ERC2: variants seen among roughly 807,000 people sequenced by gnomAD.
ERC2 encodes the protein ELKS/RAB6-interacting/CAST family member 2.
In ERC2, 42 loss-of-function variants were observed where a neutral mutation model predicts 114.8. The ratio of observed to expected loss-of-function variants is 0.37; its 90% CI spans 0.29 to 0.47. ERC2 has a LOEUF of 0.47. ERC2 is among the 20% of genes least tolerant of loss of function. The pLI, the probability that ERC2 is intolerant of heterozygous loss-of-function variation, is 0.99. For synonymous variants in ERC2, 454 were observed against 425.5 expected (o/e 1.07, Z -0.82); for missense variants, 939 against 1,150.7 (o/e 0.82, Z 2.66).
intron 13 of ERC2, among the ~76,000 whole-genome samples, chr3:55,941,733 TG>T (rs1194086840): frequency 3.3e-5 from 5 of 152,226 alleles, no homozygotes; most frequent in Non-Finnish European, 7.3e-5. Flanking sequence ...ACTCTCTTTA[TG>T]GGTGACATCC....
At chr3:55,530,418 GGGCTGCAGTCGGCT>G (rs2053592190) in intron 17 of ERC2, among the ~76,000 whole-genome samples, 1 of 152,178 alleles carries the variant, frequency 6.6e-6, no homozygotes, top group African/African-American at 2.4e-5. Context: ...ATTTGGCTGT[GGGCTGCAGTCGGCT>G]GGCTCCTGGT....
intron 14 of ERC2, among the ~76,000 whole-genome samples, chr3:55,831,337 G>A (rs1420740955): frequency 4.1e-5 from 5 of 121,120 alleles, no homozygotes; most frequent in African/African-American, 1.5e-4. Flanking sequence ...GGGAGGGGAA[G>A]GAAGGGGAGG....
intron 14 of ERC2, among the ~76,000 whole-genome samples, chr3:55,822,651 G>A (rs2060174427): frequency 1.4e-5 from 2 of 142,708 alleles, no homozygotes; most frequent in Non-Finnish European, 3.0e-5. Context: ...TGCAAGCTCC[G>A]CCTCCTGGGT....
At chr3:55,759,881 T>C (rs567418268) in intron 14 of ERC2, among the ~76,000 whole-genome samples, 1 of 152,382 alleles carries the variant, frequency 6.6e-6, no homozygotes, top group Admixed American at 6.5e-5. Context: ...TAACGAGCTC[T>C]TCTTTGTACT....
intron 17 of ERC2, among the ~76,000 whole-genome samples, chr3:55,603,980 C>G (rs370077812): frequency 2.4e-4 from 36 of 152,298 alleles, no homozygotes; most frequent in Non-Finnish European, 4.0e-4. Flanking sequence ...TTCACCCCCC[C>G]CAGCATGTCT....
chr3:56,067,608 C>G lies in ERC2; in HGVS notation c.1641+13209G>C, dbSNP rs564495071. On this transcript the variant is annotated intron_variant, in intron 7 of 17. Transcript: ENST00000288221. ...AATAGGAGTGGTGAAAGAGGGTATC[C>G]TTGTGTTGTGCCAGTTTTCAAAGGG... is the stretch of plus-strand genomic sequence containing the variant. Among the ~76,000 whole-genome samples, 115 of 152,178 alleles carry G rather than the reference C, an allele frequency of 7.6e-4. 1 individual carries two copies. Among genetic ancestry groups the G allele is most frequent in the African/African-American group, 2.6e-3 (110 of 41,526 alleles).
At chr3:56,319,612 G>T (rs1234471018) in intron 2 of ERC2, among the ~76,000 whole-genome samples, 1 of 151,768 alleles carries the variant, frequency 6.6e-6, no homozygotes, top group African/African-American at 2.4e-5. Context: ...TTATGAAGGG[G>T]GTAGATTTCA....
At chr3:56,110,233 A>C (rs4974168) in intron 6 of ERC2, among the ~76,000 whole-genome samples, 28,425 of 152,130 alleles carry the variant, frequency 0.19, 2,880 homozygotes, top group South Asian at 0.27. Flanking sequence ...CTGAGGTATT[A>C]TAATAGGTAC....
chr3:55,691,232 T>C (rs2062623771), intron 16 of ERC2, among the ~76,000 whole-genome samples: 1 of 152,092 alleles, frequency 6.6e-6, no homozygotes, highest in Non-Finnish European at 1.5e-5. Context: ...ATCTGCGATA[T>C]CTTTCTATTT....
rs535015457 is a variant in ERC2, at chr3:56,076,551, C to A, written c.1641+4266G>T. On this transcript the variant is annotated intron_variant, in intron 7 of 17. Coordinates refer to ENST00000288221, the MANE Select transcript of ERC2 (RefSeq NM_015576.3). ...GGAAACCATACCGCTCTTCTGATTT[C>A]AATGTCACAGCCCCACGGGAACATT... is the stretch of plus-strand genomic sequence containing the variant. Among the ~76,000 whole-genome samples the A allele has an allele frequency of 2.0e-5, 3 of 152,306 alleles. No homozygotes were observed. In the East Asian group the frequency reaches 5.8e-4, roughly 29 times the overall value.
At chr3:55,576,577 G>A (rs1271441236) in intron 17 of ERC2, among the ~76,000 whole-genome samples, 1 of 152,102 alleles carries the variant, frequency 6.6e-6, no homozygotes, top group Non-Finnish European at 1.5e-5. Flanking sequence ...GCTGCCCAAG[G>A]GCTTCTCATC....
intron 14 of ERC2, among the ~76,000 whole-genome samples, chr3:55,813,026 TA>T (rs1295852287): frequency 6.6e-6 from 1 of 152,226 alleles, no homozygotes; most frequent in African/African-American, 2.4e-5. Context: ...TCAATTCTCA[TA>T]AAAGTCCAAT....
chr3:56,239,997 TA>T (rs1408285739), intron 3 of ERC2, among the ~76,000 whole-genome samples: 1 of 152,200 alleles, frequency 6.6e-6, no homozygotes, highest in Non-Finnish European at 1.5e-5. Context: ...GGGGGAACAT[TA>T]AACCTTTTAC....
intron 3 of ERC2, among the ~76,000 whole-genome samples, chr3:56,253,938 A>C (rs1047921784): frequency 6.6e-6 from 1 of 152,246 alleles, no homozygotes; most frequent in African/African-American, 2.4e-5. Flanking sequence ...AAACTCAAAG[A>C]AAAGCTCTTA....
At chr3:56,395,152 T>C (rs2060261157) in intron 2 of ERC2, among the ~76,000 whole-genome samples, 1 of 152,036 alleles carries the variant, frequency 6.6e-6, no homozygotes, top group Non-Finnish European at 1.5e-5. Context: ...AGAGAATGAC[T>C]GCTAATGGGT....
intron 17 of ERC2, among the ~76,000 whole-genome samples, chr3:55,642,787 T>C (rs1452310608): frequency 1.3e-5 from 2 of 152,138 alleles, no homozygotes; most frequent in Admixed American, 6.6e-5. Flanking sequence ...TAAATTCACA[T>C]TGTATATGGA....
chr3:56,389,784 T>A (rs572881178), intron 2 of ERC2, among the ~76,000 whole-genome samples: 1 of 152,108 alleles, frequency 6.6e-6, no homozygotes, highest in South Asian at 2.1e-4. Flanking sequence ...TGAGAACCCA[T>A]AGATGTCATT....
intron 3 of ERC2, among the ~76,000 whole-genome samples, chr3:56,186,016 G>T (rs1338389523): frequency 6.7e-6 from 1 of 148,732 alleles, no homozygotes; most frequent in Non-Finnish European, 1.5e-5. Context: ...CCCAGCTGAT[G>T]ACCAACAAGG....
intron 3 of ERC2, among the ~76,000 whole-genome samples, chr3:56,290,208 AT>A (rs2054994187): frequency 6.6e-6 from 1 of 152,238 alleles, no homozygotes; most frequent in Non-Finnish European, 1.5e-5. Flanking sequence ...TGCAGAAAAC[AT>A]TTTTTAATGG....
Sources: gnomAD v4.1 joint callset for allele counts (sites outside exome capture counted in the v4.1 genomes callset) on GRCh38, gnomAD v4.1.1 for gene constraint, MANE v1.5 for transcripts, NCBI Gene and HGNC (gene_info 2026-07-23, HGNC 2026-07-21) for gene names.